Variants in GRM1 observed in about 807,000 individuals in gnomAD.
GRM1 encodes the protein glutamate metabotropic receptor 1.
GRM1 carries 33 observed loss-of-function variants against 90.9 expected under a neutral mutation model. That is an observed-to-expected ratio of 0.36 (90% CI 0.28 to 0.49). The LOEUF (loss-of-function observed/expected upper bound fraction) is 0.49. Ranked by LOEUF, GRM1 falls within the 20% of genes least tolerant of loss-of-function variation. The pLI, the probability that GRM1 is intolerant of heterozygous loss-of-function variation, is 0.99. For missense variants in GRM1, 1,190 were observed against 1,534.3 expected (o/e 0.78, Z 3.75); for synonymous variants, 700 against 613.2 (o/e 1.14, Z -2.09).
intron 5 of GRM1, among the ~76,000 whole-genome samples, chr6:146,376,753 T>C (rs550630588): frequency 1.3e-5 from 2 of 152,224 alleles, no homozygotes; most frequent in South Asian, 4.2e-4. Context: ...CTTGAGGTAG[T>C]CTTCTTTGGG....
chr6:146,169,594 A>G (rs890698312), intron 2 of GRM1, among the ~76,000 whole-genome samples: 5 of 152,178 alleles, frequency 3.3e-5, no homozygotes, highest in Non-Finnish European at 7.3e-5. Context: ...ACTCTGTCCC[A>G]GTAAGTCTAC....
intron 1 of GRM1, among the ~76,000 whole-genome samples, chr6:146,124,095 G>A (rs535221652): frequency 4.6e-5 from 7 of 152,196 alleles, no homozygotes; most frequent in South Asian, 2.1e-4. Flanking sequence ...GTTTGTACAC[G>A]TATTTCTATA....
intron 1 of GRM1, among the ~76,000 whole-genome samples, chr6:146,102,286 C>T (rs1471888862): frequency 6.6e-6 from 1 of 152,168 alleles, no homozygotes; most frequent in Non-Finnish European, 1.5e-5. Context: ...ACTTAACATA[C>T]CAACTTCATT....
intron 4 of GRM1, 31 bp downstream of exon 4, chr6:146,352,527 C>T: frequency 6.2e-7 from 1 of 1,609,788 alleles, no homozygotes; most frequent in East Asian, 2.2e-5. Context: ...TCTAAGTAAC[C>T]TTGTGAGCCT....
chr6:146,273,426 C>G (rs1196242070), intron 2 of GRM1, among the ~76,000 whole-genome samples: 1 of 152,122 alleles, frequency 6.6e-6, no homozygotes, highest in Non-Finnish European at 1.5e-5. Context: ...TCTTCAAACA[C>G]AAAGCCAAAG....
chr6:146,047,110 T>G (rs1444846915), intron 1 of GRM1, among the ~76,000 whole-genome samples: 2 of 151,872 alleles, frequency 1.3e-5, no homozygotes, highest in African/African-American at 4.8e-5. Context: ...TACAGGAGAG[T>G]TGTGGAGCTG....
intron 7 of GRM1, among the ~76,000 whole-genome samples, chr6:146,404,656 A>G (rs1350211131): frequency 2.6e-5 from 4 of 152,212 alleles, no homozygotes; most frequent in Admixed American, 1.3e-4. Flanking sequence ...CTTTCATGCC[A>G]CGATGTAGAG....
At chr6:146,249,470 G>A (rs1781195664) in intron 2 of GRM1, among the ~76,000 whole-genome samples, 1 of 152,168 alleles carries the variant, frequency 6.6e-6, no homozygotes, top group Non-Finnish European at 1.5e-5. Context: ...TAGCTTCAGA[G>A]CATGCAGGCC....
chr6:146,068,818 A>T (rs1775937687), intron 1 of GRM1, among the ~76,000 whole-genome samples: 1 of 152,184 alleles, frequency 6.6e-6, no homozygotes, highest in South Asian at 2.1e-4. Context: ...ACAAAATAAA[A>T]TTTTTACGTA....
chr6:146,154,082 T>C (rs923261230), intron 1 of GRM1, among the ~76,000 whole-genome samples: 2 of 152,112 alleles, frequency 1.3e-5, no homozygotes, highest in African/African-American at 4.8e-5. Context: ...TGCCTAAGGG[T>C]CTTTATTAGG....
intron 1 of GRM1, among the ~76,000 whole-genome samples, chr6:146,147,426 G>T (rs772074398): frequency 2.6e-5 from 4 of 152,114 alleles, no homozygotes; most frequent in Admixed American, 2.6e-4. Context: ...GATGAAAGAT[G>T]ATAATTAAGA....
intron 5 of GRM1, among the ~76,000 whole-genome samples, chr6:146,366,452 A>T (rs1157144254): frequency 6.6e-6 from 1 of 151,840 alleles, no homozygotes; most frequent in Non-Finnish European, 1.5e-5. Flanking sequence ...TTTCTATCTA[A>T]CTGTATTTTT....
chr6:146,374,601 T>G (rs1776024953), intron 5 of GRM1, among the ~76,000 whole-genome samples: 1 of 152,172 alleles, frequency 6.6e-6, no homozygotes, highest in Non-Finnish European at 1.5e-5. Flanking sequence ...CTTGGTAGGT[T>G]GTGTGTATCC....
chr6:146,347,960 G>C (rs1266670061), intron 3 of GRM1, among the ~76,000 whole-genome samples: 1 of 152,180 alleles, frequency 6.6e-6, no homozygotes, highest in East Asian at 1.9e-4. Context: ...TTAGAACCAA[G>C]GCAGCTATTT....
intron 2 of GRM1, among the ~76,000 whole-genome samples, chr6:146,193,760 C>T (rs932636077): frequency 2.0e-5 from 3 of 151,808 alleles, no homozygotes; most frequent in East Asian, 1.9e-4. Flanking sequence ...TTTTTACTTG[C>T]GCATTCTACT....
intron 3 of GRM1, among the ~76,000 whole-genome samples, chr6:146,341,445 A>C (rs1171077060): frequency 6.6e-6 from 1 of 152,230 alleles, no homozygotes; most frequent in Admixed American, 6.5e-5. Flanking sequence ...TTTGGCATAA[A>C]AATGAACATG....
At chr6:146,167,871 G>C (rs1777965721) in intron 2 of GRM1, among the ~76,000 whole-genome samples, 1 of 152,002 alleles carries the variant, frequency 6.6e-6, no homozygotes, top group South Asian at 2.1e-4. Context: ...TTTGGAAGAT[G>C]AAACATTTTG....
rs1583315570 is a variant in GRM1 at position 146,317,037 on chromosome 6, A to G, written c.1186+12191A>G. Among the ~76,000 whole-genome samples, 6 of 152,216 alleles carry G rather than the reference A, an allele frequency of 3.9e-5. 1 individual carries two copies. In the South Asian group the frequency reaches 1.2e-3, roughly 31 times the overall value. On this transcript the variant is annotated intron_variant, in intron 3 of 7. Transcript: ENST00000282753. ...TAGACAAGCCTCGCCTTCCAGACTTACTTTGAGGTACATTGAACCTAACAG... is the reference window on the plus strand; with the variant it reads ...TAGACAAGCCTCGCCTTCCAGACTTGCTTTGAGGTACATTGAACCTAACAG...
At chr6:146,133,233 G>T (rs1045811902) in intron 1 of GRM1, among the ~76,000 whole-genome samples, 1 of 152,198 alleles carries the variant, frequency 6.6e-6, no homozygotes, top group African/African-American at 2.4e-5. Flanking sequence ...GACTCACTCT[G>T]TACTGCAACA....
Sources: allele counts gnomAD v4.1 joint callset (sites outside exome capture counted in the v4.1 genomes callset), GRCh38; gene constraint gnomAD v4.1.1; transcripts MANE v1.5; gene names NCBI Gene and HGNC (gene_info 2026-07-23, HGNC 2026-07-21).